The following PRKCA variants were observed in gnomAD, a reference collection of about 807,000 sequenced individuals.
PRKCA encodes protein kinase C alpha type.
A neutral mutation model predicts 87.0 loss-of-function variants in PRKCA; 27 were observed. That is an observed-to-expected ratio of 0.31 (90% CI 0.23 to 0.43). The LOEUF is 0.43. Ranked by LOEUF, PRKCA falls within the 20% of genes least tolerant of loss-of-function variation. The pLI is 1.00. For synonymous variants in PRKCA, 329 were observed against 311.1 expected (o/e 1.06, Z -0.61); for missense variants, 518 against 852.3 (o/e 0.61, Z 4.88).
At chr17:66,394,580 C>G (rs1567806621) in intron 2 of PRKCA, among the ~76,000 whole-genome samples, 1 of 152,168 alleles carries the variant, frequency 6.6e-6, no homozygotes, top group Admixed American at 6.6e-5. Context: ...GGCTTTTCTT[C>G]TGTAGTATTG....
intron 5 of PRKCA, among the ~76,000 whole-genome samples, chr17:66,685,531 C>G (rs1972602926): frequency 6.6e-6 from 1 of 152,184 alleles, no homozygotes; most frequent in South Asian, 2.1e-4. Context: ...AGCCCCCTCC[C>G]CCTCTGTATT....
intron 2 of PRKCA, among the ~76,000 whole-genome samples, chr17:66,347,350 C>CT (rs1907443210): frequency 6.6e-6 from 1 of 152,032 alleles, no homozygotes; most frequent in Non-Finnish European, 1.5e-5. Context: ...AAGTGTATGT[C>CT]TAACACATAT....
chr17:66,674,324 G>C (rs1051059557), intron 5 of PRKCA, among the ~76,000 whole-genome samples: 22 of 152,334 alleles, frequency 1.4e-4, no homozygotes, highest in African/African-American at 5.1e-4. Flanking sequence ...CGATGGGGCA[G>C]TGTGGACCCA....
At chr17:66,569,472 G>T (rs1351486184) in intron 3 of PRKCA, among the ~76,000 whole-genome samples, 1 of 152,190 alleles carries the variant, frequency 6.6e-6, no homozygotes, top group Non-Finnish European at 1.5e-5. Context: ...GGGAGGCTGA[G>T]ACAGGAGAAT....
rs568545617 is a variant in PRKCA at position 66,767,731 on chromosome 17, AAATGGGCTTTT to A, written c.1525-6252_1525-6242del. On this transcript the variant is annotated intron_variant, in intron 13 of 16. Transcript: ENST00000413366. ...CCCTAGAATCACAGTGACAGGAGGC[AAATGGGCTTTT>A]AATTGCCTCAACCCAAAAGGGCAAC... Among the ~76,000 whole-genome samples the A allele has an allele frequency of 4.1e-3, 631 of 152,220 alleles. 2 individuals carry two copies. The highest frequency in any genetic ancestry group is 6.5e-3 in the Non-Finnish European group (440 of 68,010).
chr17:66,381,389 A>T (rs1355758098), intron 2 of PRKCA, among the ~76,000 whole-genome samples: 1 of 152,176 alleles, frequency 6.6e-6, no homozygotes, highest in Non-Finnish European at 1.5e-5. Flanking sequence ...GTTTGTTTGG[A>T]TGGATGACCT....
intron 8 of PRKCA, among the ~76,000 whole-genome samples, chr17:66,714,285 C>T (rs1246880467): frequency 6.6e-6 from 1 of 151,776 alleles, no homozygotes; most frequent in Non-Finnish European, 1.5e-5. Context: ...AGCTGCCAGG[C>T]CTCATGCATG....
intron 5 of PRKCA, among the ~76,000 whole-genome samples, chr17:66,664,227 T>A (rs1971981262): frequency 6.6e-6 from 1 of 152,146 alleles, no homozygotes; most frequent in South Asian, 2.1e-4. Context: ...TGGCAGAGCC[T>A]CCGCTTTGAG....
chr17:66,771,354 G>C (rs1428303670), intron 13 of PRKCA, among the ~76,000 whole-genome samples: 1 of 152,130 alleles, frequency 6.6e-6, no homozygotes, highest in Non-Finnish European at 1.5e-5. Context: ...CATTTATTTT[G>C]ACCCACCAAT....
In PRKCA at chr17:66,495,727, A is replaced by G. The variant is rs549289870; in HGVS notation, c.206-474A>G. Among the ~76,000 whole-genome samples, 157 of 150,464 alleles carry G rather than the reference A, an allele frequency of 1.0e-3. 1 individual carries two copies. The highest frequency in any genetic ancestry group is 1.6e-3 in the Non-Finnish European group (105 of 67,496). ...ATCACTATGGCCAGCTAATTTGTGTATGTGTGTGTGTGTGTATTTTTAGTA... is the reference window on the plus strand; with the variant it reads ...ATCACTATGGCCAGCTAATTTGTGTGTGTGTGTGTGTGTGTATTTTTAGTA... On this transcript the variant is annotated intron_variant, in intron 2 of 16. Coordinates refer to ENST00000413366, the MANE Select transcript of PRKCA (RefSeq NM_002737.3).
intron 8 of PRKCA, among the ~76,000 whole-genome samples, chr17:66,724,901 G>A (rs1159185497): frequency 1.3e-5 from 2 of 152,220 alleles, no homozygotes; most frequent in Non-Finnish European, 2.9e-5. Context: ...TCTGCTGGGA[G>A]GCCAGTTGCC....
intron 5 of PRKCA, among the ~76,000 whole-genome samples, chr17:66,655,730 C>T (rs952737072): frequency 2.6e-5 from 4 of 152,150 alleles, no homozygotes; most frequent in African/African-American, 7.2e-5. Flanking sequence ...GATGGAAGTA[C>T]ACAATACAGC....
At chr17:66,589,752 C>T (rs566538518) in intron 3 of PRKCA, among the ~76,000 whole-genome samples, 1 of 152,250 alleles carries the variant, frequency 6.6e-6, no homozygotes, top group East Asian at 1.9e-4. Context: ...TGATCTCACT[C>T]CCTTGTGTCA....
intron 5 of PRKCA, among the ~76,000 whole-genome samples, chr17:66,679,711 A>G (rs1038558249): frequency 5.9e-5 from 9 of 152,180 alleles, no homozygotes; most frequent in African/African-American, 1.9e-4. Flanking sequence ...CTCCTGAGCA[A>G]CGTTTTCCTC....
intron 5 of PRKCA, among the ~76,000 whole-genome samples, chr17:66,673,024 T>A (rs1448194267): frequency 1.3e-5 from 2 of 152,138 alleles, no homozygotes; most frequent in Admixed American, 6.5e-5. Flanking sequence ...AAGAAAAAAA[T>A]TTTCTTAAAT....
At chr17:66,773,859 CAA>C (rs1158875095) in intron 13 of PRKCA, 126 bp from the exon 14 acceptor site, 3 of 1,465,624 alleles carry the variant, frequency 2.0e-6, no homozygotes, top group Non-Finnish European at 2.8e-6. Flanking sequence ...GGCGTAACAT[CAA>C]AGACAGATCT....
rs149513058 is a variant in PRKCA, at chr17:66,727,531, C to G, written c.919-5157C>G. Among the ~76,000 whole-genome samples, 525 of 152,274 alleles carry G rather than the reference C, an allele frequency of 3.4e-3. 7 individuals carry two copies. Among genetic ancestry groups the G allele is most frequent in the African/African-American group, 0.012 (496 of 41,544 alleles). On this transcript the variant is annotated intron_variant, in intron 8 of 16. Coordinates refer to ENST00000413366, the MANE Select transcript of PRKCA (RefSeq NM_002737.3). ...CCATGTTGGGTCCAGTTGGTCTTAG[C>G]CAGCTTGGCCCACATCCTGATGTTT...
intron 8 of PRKCA, among the ~76,000 whole-genome samples, chr17:66,727,001 G>A (rs1219898948): frequency 6.6e-6 from 1 of 152,148 alleles, no homozygotes; most frequent in African/African-American, 2.4e-5. Context: ...TGGGATTACA[G>A]GCTTGAGCCA....
intron 2 of PRKCA, chr17:66,416,759 T>A (rs1446314882): frequency 6.6e-6 from 1 of 152,132 alleles, no homozygotes; most frequent in African/African-American, 2.4e-5. Flanking sequence ...TGCTTCCTCC[T>A]CCTGCTGGAA....
Sources: allele counts gnomAD v4.1 joint callset (sites outside exome capture counted in the v4.1 genomes callset), GRCh38; gene constraint gnomAD v4.1.1; transcripts MANE v1.5; gene names NCBI Gene and HGNC (gene_info 2026-07-23, HGNC 2026-07-21).